TBC1D4: variants seen among roughly 807,000 people sequenced by gnomAD.
TBC1D4 encodes TBC1 domain family member 4, also known as TBC (Tre-2, BUB2, CDC16) domain-containing protein.
TBC1D4 carries 121 observed loss-of-function variants against 142.5 expected under a neutral mutation model. That is an observed-to-expected ratio of 0.85 (90% CI 0.73 to 0.99). TBC1D4 has a LOEUF of 0.99. Ranked by LOEUF, TBC1D4 falls within the 50% of genes least tolerant of loss-of-function variation. The probability of loss-of-function intolerance (pLI) is 0.00; values close to 1 mark genes in which losing one functional copy is unlikely to be tolerated. For missense variants in TBC1D4, 1,475 were observed against 1,606.6 expected, an observed-to-expected ratio of 0.92 and a Z score of 1.40; for synonymous variants, 630 against 628.2, an observed-to-expected ratio of 1.00 and a Z score of -0.04.
intron 1 of TBC1D4, among the ~76,000 whole-genome samples, chr13:75,480,506 A>G (rs1173787460): frequency 1.3e-5 from 2 of 152,202 alleles, no homozygotes; most frequent in African/African-American, 4.8e-5. Context: ...ACTGTTTGGT[A>G]ATTAGATTTA....
chr13:75,423,101 G>C (rs1473650936), intron 1 of TBC1D4, among the ~76,000 whole-genome samples: 1 of 152,048 alleles, frequency 6.6e-6, no homozygotes, highest in Non-Finnish European at 1.5e-5. Context: ...GTTTCCAAAA[G>C]CAACAACACT....
intron 1 of TBC1D4, among the ~76,000 whole-genome samples, chr13:75,455,315 A>G (rs1024778753): frequency 6.6e-6 from 1 of 152,204 alleles, no homozygotes; most frequent in South Asian, 2.1e-4. Context: ...CCCTATGGTT[A>G]TAAGTCAACT....
At chr13:75,343,433 G>A (rs1880881027) in intron 5 of TBC1D4, among the ~76,000 whole-genome samples, 2 of 152,288 alleles carry the variant, frequency 1.3e-5, no homozygotes, top group South Asian at 2.1e-4. Context: ...GCAAAATTCG[G>A]TGCAAGTCTT....
intron 1 of TBC1D4, among the ~76,000 whole-genome samples, chr13:75,458,760 A>C (rs1469582550): frequency 6.6e-6 from 1 of 152,214 alleles, no homozygotes; most frequent in East Asian, 1.9e-4. Flanking sequence ...TTTAAAAAAT[A>C]AAAGTCTACT....
chr13:75,399,459 G>A (rs1884967734), intron 1 of TBC1D4, among the ~76,000 whole-genome samples: 1 of 151,980 alleles, frequency 6.6e-6, no homozygotes, highest in African/African-American at 2.4e-5. Flanking sequence ...TATATATGGG[G>A]GGCTGGGGGA....
chr13:75,445,762 C>G (rs1887256443), intron 1 of TBC1D4, among the ~76,000 whole-genome samples: 1 of 152,208 alleles, frequency 6.6e-6, no homozygotes, highest in South Asian at 2.1e-4. Flanking sequence ...ATTCACACTA[C>G]TCCCTAAAAA....
At chr13:75,311,311 TC>T (rs1877727956) in intron 13 of TBC1D4, among the ~76,000 whole-genome samples, 1 of 152,234 alleles carries the variant, frequency 6.6e-6, no homozygotes, top group African/African-American at 2.4e-5. Context: ...GCATGGTTCT[TC>T]CAGCAACGAG....
chr13:75,449,346 G>A (rs534759557), intron 1 of TBC1D4, among the ~76,000 whole-genome samples: 29 of 151,540 alleles, frequency 1.9e-4, no homozygotes, highest in Admixed American at 7.9e-4. Flanking sequence ...TACCTATGAC[G>A]AAGTTTAATT....
At chr13:75,372,917 AAC>A (rs977183724) in intron 1 of TBC1D4, among the ~76,000 whole-genome samples, 5 of 152,246 alleles carry the variant, frequency 3.3e-5, no homozygotes, top group African/African-American at 9.6e-5. Context: ...GGACACAATA[AAC>A]ATAATAGGAA....
intron 1 of TBC1D4, among the ~76,000 whole-genome samples, chr13:75,410,036 T>C (rs1885553442): frequency 6.6e-6 from 1 of 152,328 alleles, no homozygotes; most frequent in Admixed American, 6.5e-5. Flanking sequence ...GCCACTTACC[T>C]TAAAACTCAG....
chr13:75,471,438 C>T (rs1888395446), intron 1 of TBC1D4, among the ~76,000 whole-genome samples: 1 of 152,160 alleles, frequency 6.6e-6, no homozygotes, highest in African/African-American at 2.4e-5. Context: ...TTTAATACTG[C>T]TATTAGAAAC....
chr13:75,481,215 C>CCCCCCCCCCA, intron 1 of TBC1D4, 55 bp downstream of exon 1: 1 of 1,244,432 alleles, frequency 8.0e-7, no homozygotes, highest in Non-Finnish European at 1.1e-6. Context: ...TCCCGCCCTG[C>CCCCCCCCCCA]TCCCCGATCC....
intron 1 of TBC1D4, among the ~76,000 whole-genome samples, chr13:75,469,094 C>T (rs958714061): frequency 1.3e-5 from 2 of 152,136 alleles, no homozygotes; most frequent in African/African-American, 4.8e-5. Flanking sequence ...GGATAAAAAA[C>T]TAAGCTCGCA....
At chr13:75,334,541 T>A (rs1424024173) in intron 8 of TBC1D4, among the ~76,000 whole-genome samples, 1 of 152,048 alleles carries the variant, frequency 6.6e-6, no homozygotes, top group African/African-American at 2.4e-5. Context: ...ATTTTTGTAA[T>A]TTTTTTATTT....
At chr13:75,384,823 A>G (rs1371173978) in intron 1 of TBC1D4, among the ~76,000 whole-genome samples, 1 of 152,212 alleles carries the variant, frequency 6.6e-6, no homozygotes, top group Non-Finnish European at 1.5e-5. Context: ...TATGGTTAAA[A>G]TAACTGAAGA....
At chr13:75,297,389 T>C (rs1250501545) in intron 17 of TBC1D4, among the ~76,000 whole-genome samples, 1 of 152,204 alleles carries the variant, frequency 6.6e-6, no homozygotes, top group Non-Finnish European at 1.5e-5. Flanking sequence ...TAATAATAGC[T>C]ACCAAACCGT....
chr13:75,376,300 T>C (rs146001613), intron 1 of TBC1D4, among the ~76,000 whole-genome samples: 1 of 152,146 alleles, frequency 6.6e-6, no homozygotes, highest in East Asian at 1.9e-4. Context: ...GATGGTAATA[T>C]CATTAAGCTG....
intron 1 of TBC1D4, among the ~76,000 whole-genome samples, chr13:75,458,229 T>C (rs540858593): frequency 7.9e-5 from 12 of 152,160 alleles, no homozygotes; most frequent in African/African-American, 2.4e-4. Flanking sequence ...GGAAAGAGGA[T>C]GGAGTGGGAA....
intron 3 of TBC1D4, among the ~76,000 whole-genome samples, chr13:75,357,052 C>T (rs1882111241): frequency 6.6e-6 from 1 of 152,202 alleles, no homozygotes; most frequent in Non-Finnish European, 1.5e-5. Flanking sequence ...CTGAAATCTT[C>T]ATTCAACTAA....
Sources: allele counts gnomAD v4.1 joint callset (sites outside exome capture counted in the v4.1 genomes callset), GRCh38; gene constraint gnomAD v4.1.1; transcripts MANE v1.5; gene names NCBI Gene and HGNC (gene_info 2026-07-23, HGNC 2026-07-21).